The following FBXL7 variants were observed in gnomAD, a reference collection of about 807,000 sequenced individuals.
The protein encoded by FBXL7 is F-box and leucine rich repeat protein 7.
A neutral mutation model predicts 38.3 loss-of-function variants in FBXL7; 12 were observed. That is an observed-to-expected ratio of 0.31 (90% CI 0.20 to 0.51). The LOEUF (loss-of-function observed/expected upper bound fraction) is 0.51. Ranked by LOEUF, FBXL7 falls within the 20% of genes least tolerant of loss-of-function variation. The probability of loss-of-function intolerance (pLI) is 0.98; values close to 1 mark genes in which losing one functional copy is unlikely to be tolerated. For missense variants in FBXL7, 567 were observed against 676.4 expected (o/e 0.84, Z 1.79); for synonymous variants, 297 against 300.9 (o/e 0.99, Z 0.13).
chr5:15,533,651 T>C (rs1580355676), intron 1 of FBXL7, among the ~76,000 whole-genome samples: 1 of 152,202 alleles, frequency 6.6e-6, no homozygotes, highest in South Asian at 2.1e-4. Flanking sequence ...TCCCAGTTCC[T>C]GCGGGCTCTG....
intron 2 of FBXL7, among the ~76,000 whole-genome samples, chr5:15,754,198 TATTAAC>T (rs1174767341): frequency 6.6e-6 from 1 of 152,198 alleles, no homozygotes; most frequent in Non-Finnish European, 1.5e-5. Context: ...CTACTTCTGG[TATTAAC>T]ATTGGGTGAC....
rs1209595155 is a variant in FBXL7 at position 15,938,703 on chromosome 5, G to A, written c.*1517G>A. 1.4e-5 allele frequency: 4 copies of A among 277,564 alleles called. No individual in the cohort carries two copies. The Admixed American group carries it at 2.1e-4, about 15-fold the overall frequency. The allele number at this position is 277,564 out of a possible 1,614,324, so 17.2% of individuals were successfully genotyped here. On this transcript the variant is annotated 3_prime_UTR_variant, in exon 4 of 4. Transcript: ENST00000504595. ...GGTCCACCAACCAGACCCTTGGAAA[G>A]GAATACTAAAATCATTACAAGGTAT...
intron 2 of FBXL7, among the ~76,000 whole-genome samples, chr5:15,662,235 CT>C: frequency 6.6e-6 from 1 of 152,210 alleles, no homozygotes; most frequent in East Asian, 1.9e-4. Flanking sequence ...ATTTGCATTT[CT>C]CTAATGATCA....
chr5:15,774,896 G>A (rs1736820655), intron 2 of FBXL7, among the ~76,000 whole-genome samples: 1 of 152,120 alleles, frequency 6.6e-6, no homozygotes, highest in Admixed American at 6.6e-5. Flanking sequence ...CTGCTGTTCA[G>A]TTTCTCTGTC....
At chr5:15,931,954 G>A (rs1742048307) in intron 3 of FBXL7, among the ~76,000 whole-genome samples, 1 of 152,202 alleles carries the variant, frequency 6.6e-6, no homozygotes, top group African/African-American at 2.4e-5. Context: ...TTTGGGTACA[G>A]AAAGCTAGAG....
chr5:15,823,090 T>G (rs1459254121), intron 2 of FBXL7, among the ~76,000 whole-genome samples: 1 of 152,232 alleles, frequency 6.6e-6, no homozygotes, highest in Non-Finnish European at 1.5e-5. Context: ...TTACCTCTTG[T>G]GATAACTAGA....
At chr5:15,822,622 C>CTTTTTTTTTTTTTTT (rs371800054) in intron 2 of FBXL7, among the ~76,000 whole-genome samples, 1 of 131,806 alleles carries the variant, frequency 7.6e-6, no homozygotes. Context: ...GCTGGTTGCT[C>CTTTTTTTTTTTTTTT]TTTTTTTTTT....
chr5:15,681,157 C>T (rs779505491), intron 2 of FBXL7, among the ~76,000 whole-genome samples: 7 of 152,144 alleles, frequency 4.6e-5, no homozygotes, highest in Non-Finnish European at 1.0e-4. Flanking sequence ...GACAATTTGA[C>T]AACTAGTGTC....
At chr5:15,806,559 T>A (rs1363331799) in intron 2 of FBXL7, among the ~76,000 whole-genome samples, 1 of 152,056 alleles carries the variant, frequency 6.6e-6, no homozygotes, top group African/African-American at 2.4e-5. Context: ...ACAGCATGGA[T>A]TAATCTTCCA....
intron 2 of FBXL7, among the ~76,000 whole-genome samples, chr5:15,774,277 T>C (rs368485199): frequency 6.6e-6 from 1 of 152,154 alleles, no homozygotes; most frequent in East Asian, 1.9e-4. Flanking sequence ...TGTGATTACA[T>C]TGGGTCTACC....
chr5:15,713,330 C>T (rs1230390874), intron 2 of FBXL7, among the ~76,000 whole-genome samples: 2 of 152,198 alleles, frequency 1.3e-5, no homozygotes, highest in Non-Finnish European at 2.9e-5. Flanking sequence ...ATTCAGCTAT[C>T]TCCCACTGGG....
At chr5:15,933,951 A>G (rs1742108164) in intron 3 of FBXL7, among the ~76,000 whole-genome samples, 1 of 152,204 alleles carries the variant, frequency 6.6e-6, no homozygotes. Context: ...ATACATAAAA[A>G]TATACATTTA....
intron 2 of FBXL7, among the ~76,000 whole-genome samples, chr5:15,699,973 A>G (rs1178694971): frequency 6.6e-6 from 1 of 152,208 alleles, no homozygotes; most frequent in Non-Finnish European, 1.5e-5. Flanking sequence ...ATCTATTTTG[A>G]CAGGAGTGGG....
At chr5:15,698,522 T>A (rs530548666) in intron 2 of FBXL7, among the ~76,000 whole-genome samples, 10 of 152,358 alleles carry the variant, frequency 6.6e-5, no homozygotes, top group South Asian at 4.1e-4. Context: ...GTGGTATATC[T>A]ATTTTTGTAA....
chr5:15,635,675 T>A (rs1741156818), intron 2 of FBXL7, among the ~76,000 whole-genome samples: 1 of 152,110 alleles, frequency 6.6e-6, no homozygotes, highest in Admixed American at 6.5e-5. Context: ...TACAGCATAG[T>A]GATGAAGATG....
intron 2 of FBXL7, among the ~76,000 whole-genome samples, chr5:15,860,324 A>G (rs1226751150): frequency 6.6e-6 from 1 of 152,194 alleles, no homozygotes; most frequent in African/African-American, 2.4e-5. Context: ...TTTTATTTTC[A>G]ATATTATTTC....
chr5:15,731,627 G>A (rs971152618), intron 2 of FBXL7, among the ~76,000 whole-genome samples: 2 of 152,180 alleles, frequency 1.3e-5, no homozygotes, highest in Admixed American at 6.5e-5. Flanking sequence ...AGAGGACACG[G>A]ATGACTTAGG....
At position 15,765,844 on chromosome 5, in the gene FBXL7, C is replaced by G. The variant is rs951288352; in HGVS notation, c.127+149772C>G. Among the ~76,000 whole-genome samples, 3 of 152,214 alleles carry G rather than the reference C, an allele frequency of 2.0e-5. No individual in the cohort carries two copies. The South Asian group carries it at 6.2e-4, about 32-fold the overall frequency. On this transcript the variant is annotated intron_variant, in intron 2 of 3. Transcript: ENST00000504595. ...ACTGAACTCATCATCAAGCCCCACC[C>G]CCAATAGATCTTATATCTGTACCCT...
At position 15,939,348 on chromosome 5, in the gene FBXL7, T is replaced by C. The variant is rs1742283087; in HGVS notation, c.*2162T>C. On this transcript the variant is annotated 3_prime_UTR_variant, in exon 4 of 4. Coordinates refer to ENST00000504595, the MANE Select transcript of FBXL7 (RefSeq NM_012304.5). ...GTCACAAAGGATTGTCCCTAATCCT[T>C]GGCCCTGGGGTCTTCCGAGTGAGCT... 1 of 296,250 alleles carries C rather than the reference T, an allele frequency of 3.4e-6. No homozygotes were observed. Among genetic ancestry groups the C allele is most frequent in the African/African-American group, 2.2e-5 (1 of 46,406 alleles). 18.4% of individuals were successfully genotyped at this position (296,250 alleles called of 1,614,324 possible).
Sources: gnomAD v4.1 joint callset for allele counts (sites outside exome capture counted in the v4.1 genomes callset) on GRCh38, gnomAD v4.1.1 for gene constraint, MANE v1.5 for transcripts, NCBI Gene and HGNC (gene_info 2026-07-23, HGNC 2026-07-21) for gene names.